The following FGD3 variants were observed in gnomAD, a reference collection of about 807,000 sequenced individuals.
FGD3 encodes the protein FYVE, RhoGEF and PH domain containing 3, also known as FYVE, RhoGEF and PH domain-containing protein 3.
A neutral mutation model predicts 71.8 loss-of-function variants in FGD3; 45 were observed. The ratio of observed to expected loss-of-function variants is 0.63; its 90% CI spans 0.49 to 0.80. FGD3 has a LOEUF of 0.80. Among genes scored for constraint, FGD3 ranks in the 30% least tolerant of loss-of-function variants. The probability of loss-of-function intolerance (pLI) is 0.00; values close to 1 mark genes in which losing one functional copy is unlikely to be tolerated. For synonymous variants in FGD3, 378 were observed against 392.8 expected (o/e 0.96, Z 0.44); for missense variants, 844 against 951.5 (o/e 0.89, Z 1.49).
chr9:93,017,725 C>T (rs1356241990), intron 10 of FGD3, among the ~76,000 whole-genome samples: 1 of 152,238 alleles, frequency 6.6e-6, no homozygotes, highest in Non-Finnish European at 1.5e-5. Flanking sequence ...CCTTGCTCTT[C>T]TCATCAGATC....
intron 13 of FGD3, chr9:93,020,695 T>G: frequency 2.4e-6 from 1 of 410,722 alleles, no homozygotes; most frequent in Non-Finnish European, 4.5e-6. Context: ...GAGCCTCCTG[T>G]GCTGCTGTGT....
rs533800272 is a variant in FGD3 at position 93,007,463 on chromosome 9, C to T, written c.837+1283C>T. Reference sequence around the variant, plus strand: ...AAAGCTTATTTTCAAATGCATTTCCCACTACCCAAGACTATATAACCCCAT... The same window carrying T: ...AAAGCTTATTTTCAAATGCATTTCCTACTACCCAAGACTATATAACCCCAT... On this transcript the variant is annotated intron_variant, in intron 6 of 17. Transcript: ENST00000375482. 3.0e-4 allele frequency among the ~76,000 whole-genome samples: 45 copies of T among 152,232 alleles called. No homozygotes were observed. In the South Asian group the frequency reaches 6.8e-3, roughly 23 times the overall value.
chr9:93,006,003 A>G, intron 5 of FGD3, 21 bp from the exon 6 acceptor site: 1 of 1,579,922 alleles, frequency 6.3e-7, no homozygotes, highest in Non-Finnish European at 8.6e-7. Flanking sequence ...TATTTCTCTG[A>G]TGATTCATTT....
intron 11 of FGD3, 133 bp downstream of exon 11, chr9:93,018,348 T>C: frequency 1.3e-6 from 1 of 762,666 alleles, no homozygotes; most frequent in African/African-American, 1.8e-5. Flanking sequence ...GCACCAGGGT[T>C]CCGTCTATGT....
In FGD3 at chr9:93,032,471, C is replaced by T. The variant is rs1862391928; in HGVS notation, c.1681-298C>T. 3.1e-5 allele frequency: 10 copies of T among 325,438 alleles called. No individual in the cohort carries two copies. The South Asian group carries it at 6.6e-4, about 21-fold the overall frequency. 20.2% of individuals were successfully genotyped at this position (325,438 alleles called of 1,614,324 possible). A position where few individuals can be genotyped will look rare whatever the true frequency, so the allele number is the denominator to read the frequency against. Reference sequence around the variant, plus strand: ...GTTTCCCTGATGGCCAGTGATGGGGCATCTTCCCCTGTGCTTGGTGGCTCT... The same window carrying T: ...GTTTCCCTGATGGCCAGTGATGGGGTATCTTCCCCTGTGCTTGGTGGCTCT... On this transcript the variant is annotated intron_variant, in intron 15 of 17. Coordinates refer to ENST00000375482, the MANE Select transcript of FGD3 (RefSeq NM_001083536.2).
At chr9:93,023,795 C>CCTTTTTTTTTTTTTTTTTT (rs1862017356) in intron 14 of FGD3, among the ~76,000 whole-genome samples, 3 of 107,672 alleles carry the variant, frequency 2.8e-5, no homozygotes, top group African/African-American at 1.2e-4. Flanking sequence ...CCATCAGCAA[C>CCTTTTTTTTTTTTTTTTTT]TTTTTTTTTT....
chr9:92,979,942 TTC>T (rs556962773), intron 3 of FGD3, among the ~76,000 whole-genome samples: 4 of 151,566 alleles, frequency 2.6e-5, no homozygotes, highest in Admixed American at 6.6e-5. Flanking sequence ...TAGTTGAGTC[TTC>T]TCTCTCTCTC....
At chr9:93,014,324 G>T (rs908331212) in intron 9 of FGD3, among the ~76,000 whole-genome samples, 2 of 152,110 alleles carry the variant, frequency 1.3e-5, no homozygotes, top group Non-Finnish European at 2.9e-5. Context: ...ACAGCACAGA[G>T]AACTGTAGCA....
At chr9:93,015,967 C>T (rs1276128076) in intron 10 of FGD3, 138 bp downstream of exon 10, 1 of 713,818 alleles carries the variant, frequency 1.4e-6, no homozygotes, top group East Asian at 2.7e-5. Context: ...GCCATAGACC[C>T]TATCTGTGAC....
intron 1 of FGD3, among the ~76,000 whole-genome samples, chr9:92,952,197 G>A (rs961780023): frequency 1.3e-5 from 2 of 151,096 alleles, no homozygotes; most frequent in Non-Finnish European, 2.9e-5. Context: ...TTTCAAGTAT[G>A]CAAAGGATAT....
chr9:92,988,682 G>T (rs1222592003), intron 3 of FGD3, among the ~76,000 whole-genome samples: 1 of 152,186 alleles, frequency 6.6e-6, no homozygotes, highest in Non-Finnish European at 1.5e-5. Flanking sequence ...CAACCTTGAT[G>T]TTACCATAAA....
intron 8 of FGD3, 51 bp from the exon 9 acceptor site, chr9:93,013,801 C>T (rs544842474): frequency 2.5e-6 from 4 of 1,607,950 alleles, no homozygotes; most frequent in East Asian, 4.5e-5. Flanking sequence ...ATCTCTAGGT[C>T]ACCAGCCACT....
At chr9:93,005,352 C>A (rs1484103310) in intron 5 of FGD3, among the ~76,000 whole-genome samples, 2 of 152,108 alleles carry the variant, frequency 1.3e-5, no homozygotes, top group African/African-American at 4.8e-5. Flanking sequence ...TGGTCTCGAT[C>A]TCCTGACCTT....
intron 3 of FGD3, among the ~76,000 whole-genome samples, chr9:92,990,090 A>T (rs976510745): frequency 1.3e-5 from 2 of 151,466 alleles, no homozygotes; most frequent in South Asian, 2.1e-4. Context: ...ACTTTATGAA[A>T]TTTTTTTTTA....
intron 13 of FGD3, 39 bp downstream of exon 13, chr9:93,020,463 G>C: frequency 6.4e-7 from 1 of 1,570,548 alleles, no homozygotes; most frequent in Non-Finnish European, 8.7e-7. Context: ...ACCTCCAGGG[G>C]ACGGGCTACC....
chr9:92,976,403 G>A lies in FGD3; in HGVS notation c.147G>A (p.Leu49=). 5 of 1,611,332 alleles carry A rather than the reference G, an allele frequency of 3.1e-6. 1 individual carries two copies. In the South Asian group the frequency reaches 5.5e-5, roughly 18 times the overall value. ...PRAHCGDPVS[L]AAAGDGSPDI... Reference sequence around the variant, plus strand: ...CCCACTGTGGGGACCCTGTCAGCCTGGCTGCAGCAGGGGACGGCTCTCCAG... The same window carrying A: ...CCCACTGTGGGGACCCTGTCAGCCTAGCTGCAGCAGGGGACGGCTCTCCAG... Residue 49 remains leucine, a synonymous_variant, in exon 3 of 18, where the codon CTG becomes CTA. Transcript: ENST00000375482.
At chr9:92,949,758 G>A (rs1231155467) in intron 1 of FGD3, among the ~76,000 whole-genome samples, 2 of 152,122 alleles carry the variant, frequency 1.3e-5, no homozygotes, top group Admixed American at 6.5e-5. Flanking sequence ...AAGGACAGGG[G>A]AGACTCAGGC....
At chr9:92,983,418 G>A (rs1473131157) in intron 3 of FGD3, among the ~76,000 whole-genome samples, 16 of 152,038 alleles carry the variant, frequency 1.1e-4, no homozygotes, top group East Asian at 9.7e-4. Context: ...CCAGCTACTC[G>A]GGAGGCTGAG....
At chr9:92,949,836 T>C (rs1344359045) in intron 1 of FGD3, among the ~76,000 whole-genome samples, 1 of 152,112 alleles carries the variant, frequency 6.6e-6, no homozygotes, top group African/African-American at 2.4e-5. Context: ...ACCACAACCC[T>C]CTGAGGAGCT....
Sources: gnomAD v4.1 joint callset for allele counts (sites outside exome capture counted in the v4.1 genomes callset) on GRCh38, gnomAD v4.1.1 for gene constraint, MANE v1.5 for transcripts, NCBI Gene and HGNC (gene_info 2026-07-23, HGNC 2026-07-21) for gene names.